Variants in TTC27 observed in about 807,000 individuals in gnomAD.
TTC27 encodes the protein tetratricopeptide repeat protein 27.
A neutral mutation model predicts 115.9 loss-of-function variants in TTC27; 79 were observed. The ratio of observed to expected loss-of-function variants is 0.68; its 90% CI spans 0.57 to 0.82. The LOEUF is 0.82. Ranked by LOEUF, TTC27 falls within the 40% of genes least tolerant of loss-of-function variation. TTC27 has a pLI of 0.00. For synonymous variants in TTC27, 401 were observed against 356.0 expected (o/e 1.13, Z -1.42); for missense variants, 1,054 against 993.1 (o/e 1.06, Z -0.82).
chr2:32,756,336 A>G (rs377060060), intron 12 of TTC27, among the ~76,000 whole-genome samples: 3 of 152,220 alleles, frequency 2.0e-5, no homozygotes, highest in South Asian at 2.1e-4. Context: ...GGTTGAATAC[A>G]TCTCTTTATA....
At chr2:32,649,571 G>T (rs1196613112) in intron 4 of TTC27, among the ~76,000 whole-genome samples, 2 of 150,930 alleles carry the variant, frequency 1.3e-5, no homozygotes, top group Non-Finnish European at 2.9e-5. Flanking sequence ...TTGAGACAGG[G>T]TCTCGCTGTG....
chr2:32,664,209 T>C (rs1262209334), intron 5 of TTC27, 94 bp from the exon 6 acceptor site: 1 of 1,062,994 alleles, frequency 9.4e-7, no homozygotes, highest in Non-Finnish European at 1.3e-6. Flanking sequence ...AGAGACTATG[T>C]ACTATATACT....
intron 12 of TTC27, among the ~76,000 whole-genome samples, chr2:32,753,565 T>G (rs1281612784): frequency 6.7e-6 from 1 of 150,080 alleles, no homozygotes; most frequent in Non-Finnish European, 1.5e-5. Context: ...TTCTCCTGCC[T>G]CAGCCTCCTG....
intron 10 of TTC27, among the ~76,000 whole-genome samples, chr2:32,727,485 A>G (rs191986285): frequency 9.8e-5 from 15 of 152,366 alleles, no homozygotes; most frequent in Admixed American, 5.2e-4. Context: ...TTAAGAAACC[A>G]GCATCTGTTG....
chr2:32,792,577 G>A (rs1285540327), intron 16 of TTC27, among the ~76,000 whole-genome samples: 1 of 152,116 alleles, frequency 6.6e-6, no homozygotes, highest in Non-Finnish European at 1.5e-5. Context: ...GAAGCCAAGG[G>A]TCAGGGTTAT....
chr2:32,664,515 CTATA>C, intron 6 of TTC27, 48 bp downstream of exon 6: 1 of 1,511,620 alleles, frequency 6.6e-7, no homozygotes. Context: ...TATGATAAAA[CTATA>C]TACATTGGCA....
chr2:32,792,221 A>G (rs369953397), intron 16 of TTC27, among the ~76,000 whole-genome samples: 1 of 152,150 alleles, frequency 6.6e-6, no homozygotes, highest in East Asian at 1.9e-4. Context: ...CAGTGGGGCA[A>G]GTTGCCAATG....
chr2:32,798,456 A>C (rs1248823583), intron 16 of TTC27, among the ~76,000 whole-genome samples: 21 of 135,882 alleles, frequency 1.5e-4, no homozygotes, highest in South Asian at 7.2e-4. Flanking sequence ...GTAATCCCAG[A>C]ACTTTGGGAG....
At chr2:32,736,028 C>T (rs978506192) in intron 11 of TTC27, among the ~76,000 whole-genome samples, 28 of 152,162 alleles carry the variant, frequency 1.8e-4, no homozygotes, top group Admixed American at 1.8e-3. Flanking sequence ...TATGAAACTA[C>T]ACTTTATTCT....
At chr2:32,770,388 G>T (rs769127770) in intron 13 of TTC27, among the ~76,000 whole-genome samples, 4 of 152,202 alleles carry the variant, frequency 2.6e-5, no homozygotes, top group Non-Finnish European at 5.9e-5. Flanking sequence ...TGAGCTTTCT[G>T]ATTCCAGAGC....
intron 12 of TTC27, among the ~76,000 whole-genome samples, chr2:32,748,775 C>T (rs1243903607): frequency 6.6e-6 from 1 of 150,940 alleles, no homozygotes; most frequent in Non-Finnish European, 1.5e-5. Flanking sequence ...GCAGCCTCTG[C>T]CTCCCAGGTT....
intron 14 of TTC27, among the ~76,000 whole-genome samples, chr2:32,782,254 G>A (rs929562232): frequency 6.6e-6 from 1 of 152,112 alleles, no homozygotes; most frequent in African/African-American, 2.4e-5. Flanking sequence ...AAGGATGACA[G>A]TATAATGGCA....
chr2:32,808,612 A>G (rs1671216035), intron 16 of TTC27, among the ~76,000 whole-genome samples: 1 of 152,148 alleles, frequency 6.6e-6, no homozygotes, highest in Admixed American at 6.5e-5. Flanking sequence ...ACACACACAC[A>G]TACACAGAGG....
Position 32,758,413 on chromosome 2 carries a change from G to T in TTC27, c.1574G>T (p.Arg525Leu), listed in dbSNP as rs2273664. 11 of 1,614,036 alleles carry T rather than the reference G, an allele frequency of 6.8e-6. No homozygotes were observed. Among genetic ancestry groups the T allele is most frequent in the Admixed American group, 1.7e-5 (1 of 59,986 alleles). ...YDKAWELSRY[R>L]SARAQRSKAL... ...AAGGCCTGGGAGTTGTCCCGGTACC[G>T]CAGTGCTCGTGCTCAGCGCTCCAAA... Residue 525 changes from arginine (R) to leucine (L), a missense_variant, in exon 13 of 20, where the codon CGC (arginine) becomes CTC (leucine). Coordinates refer to ENST00000317907, the MANE Select transcript of TTC27 (RefSeq NM_017735.5).
chr2:32,660,493 A>G (rs1193664941), intron 5 of TTC27, among the ~76,000 whole-genome samples: 2 of 152,080 alleles, frequency 1.3e-5, no homozygotes, highest in Non-Finnish European at 1.5e-5. Flanking sequence ...AAACTAACAC[A>G]GGAACAGAAA....
rs564050934 is a variant in TTC27 at position 32,711,879 on chromosome 2, G to T, written c.1233+8959G>T. On this transcript the variant is annotated intron_variant, in intron 10 of 19. Transcript: ENST00000317907. The stretch of plus-strand genomic sequence containing the variant: ...TGCTTGAACCCATGATGTGGAGTTT[G>T]CAGTGAGCCGAGATTGTGCCACTGC... Among the ~76,000 whole-genome samples the T allele has an allele frequency of 2.6e-5, 4 of 152,270 alleles. No individual in the cohort carries two copies. In the East Asian group the frequency reaches 5.8e-4, roughly 22 times the overall value.
At chr2:32,678,458 C>T (rs1234600) in intron 8 of TTC27, among the ~76,000 whole-genome samples, 13 of 151,814 alleles carry the variant, frequency 8.6e-5, no homozygotes, top group African/African-American at 2.7e-4. Context: ...AACAGAGTCT[C>T]GCTCTGTTGC....
intron 7 of TTC27, among the ~76,000 whole-genome samples, chr2:32,667,827 G>A (rs1463072849): frequency 6.0e-5 from 9 of 150,840 alleles, no homozygotes; most frequent in Admixed American, 5.9e-4. Context: ...GCTGAAGTGG[G>A]TGGATCACTT....
At position 32,745,054 on chromosome 2, in the gene TTC27, CAAAAAAAAAAA is replaced by C. The variant is rs57044153; in HGVS notation, c.1452+8255_1452+8265del. Among the ~76,000 whole-genome samples, 94 of 49,880 alleles carry C rather than the reference CAAAAAAAAAAA, an allele frequency of 1.9e-3. 4 individuals are homozygous for C. In the East Asian group the frequency reaches 0.04, roughly 21 times the overall value. 32.7% of individuals were successfully genotyped at this position (49,880 alleles called of 152,430 possible). The stretch of plus-strand genomic sequence containing the variant: ...CTGGGCAACAGAGTGAACTCTGTCT[CAAAAAAAAAAA>C]AAAAAAAAAAAAAAAAGCACATATA... On this transcript the variant is annotated intron_variant, in intron 12 of 19. Coordinates refer to ENST00000317907, the MANE Select transcript of TTC27 (RefSeq NM_017735.5).
Sources: allele counts gnomAD v4.1 joint callset (sites outside exome capture counted in the v4.1 genomes callset), GRCh38; gene constraint gnomAD v4.1.1; transcripts MANE v1.5; gene names NCBI Gene and HGNC (gene_info 2026-07-23, HGNC 2026-07-21).